The following OSBPL6 variants were observed in gnomAD, a reference collection of about 807,000 sequenced individuals.
The protein encoded by OSBPL6 is oxysterol binding protein like 6.
A neutral mutation model predicts 125.8 loss-of-function variants in OSBPL6; 49 were observed. That is an observed-to-expected ratio of 0.39 (90% CI 0.31 to 0.49). OSBPL6 has a LOEUF of 0.49. OSBPL6 is among the 20% of genes least tolerant of loss of function. The pLI is 0.88. For missense variants in OSBPL6, 986 were observed against 1,135.4 expected (o/e 0.87, Z 1.89); for synonymous variants, 394 against 391.8 (o/e 1.01, Z -0.07).
intron 1 of OSBPL6, among the ~76,000 whole-genome samples, chr2:178,242,310 T>C (rs1248858312): frequency 1.3e-5 from 2 of 152,226 alleles, no homozygotes; most frequent in Non-Finnish European, 1.5e-5. Context: ...GCCTTTTCTT[T>C]CTTCACTGGT....
At chr2:178,260,719 A>AT (rs1364534077) in intron 1 of OSBPL6, among the ~76,000 whole-genome samples, 2 of 152,180 alleles carry the variant, frequency 1.3e-5, no homozygotes, top group Non-Finnish European at 2.9e-5. Flanking sequence ...ATAACAAGAG[A>AT]TTTTTTAAAA....
intron 3 of OSBPL6, among the ~76,000 whole-genome samples, chr2:178,321,196 T>G (rs1424451516): frequency 1.3e-5 from 2 of 152,212 alleles, no homozygotes; most frequent in African/African-American, 4.8e-5. Context: ...GGTAATTGAT[T>G]GCTGAAGGAC....
intron 1 of OSBPL6, among the ~76,000 whole-genome samples, chr2:178,217,400 TG>T (rs1297342376): frequency 3.3e-5 from 5 of 152,100 alleles, no homozygotes; most frequent in Admixed American, 6.5e-5. Context: ...AAGAAGTCAG[TG>T]GGATGGTGAA....
chr2:178,249,205 G>T (rs532462140), intron 1 of OSBPL6, among the ~76,000 whole-genome samples: 2 of 152,296 alleles, frequency 1.3e-5, no homozygotes, highest in East Asian at 3.9e-4. Context: ...ATCCCAAAGT[G>T]CTGGGATTAC....
intron 1 of OSBPL6, among the ~76,000 whole-genome samples, chr2:178,257,817 C>A (rs1047521190): frequency 1.3e-5 from 2 of 148,246 alleles, no homozygotes; most frequent in Non-Finnish European, 3.0e-5. Context: ...TTTTTTGAGA[C>A]CAGATCTTGC....
At position 178,241,885 on chromosome 2, in the gene OSBPL6, C is replaced by G. The variant is rs575279837; in HGVS notation, c.-350-43042C>G. 2.6e-5 allele frequency among the ~76,000 whole-genome samples: 4 copies of G among 152,246 alleles called. No individual in the cohort carries two copies. In the South Asian group the frequency reaches 8.3e-4, roughly 32 times the overall value. The stretch of plus-strand genomic sequence containing the variant: ...TATCATATAGTATTTTTATGTTTTG[C>G]TATTTTTGTGTGTCTACATATACAA... On this transcript the variant is annotated intron_variant, in intron 1 of 24. Transcript: ENST00000190611.
intron 1 of OSBPL6, among the ~76,000 whole-genome samples, chr2:178,205,293 G>A (rs2089470295): frequency 6.6e-6 from 1 of 152,118 alleles, no homozygotes; most frequent in Non-Finnish European, 1.5e-5. Flanking sequence ...GAAGGCTGGT[G>A]GATGGGAAGA....
chr2:178,351,971 A>G (rs1691302086), intron 12 of OSBPL6, among the ~76,000 whole-genome samples: 1 of 152,212 alleles, frequency 6.6e-6, no homozygotes, highest in African/African-American at 2.4e-5. Flanking sequence ...AAACCTTCAC[A>G]TATTACCCCC....
At chr2:178,343,401 A>G (rs1447432633) in intron 11 of OSBPL6, among the ~76,000 whole-genome samples, 1 of 152,122 alleles carries the variant, frequency 6.6e-6, no homozygotes, top group Non-Finnish European at 1.5e-5. Flanking sequence ...AAGAAAAAAA[A>G]AAGTATTGCT....
rs1333747954 is a variant in OSBPL6 at position 178,395,562 on chromosome 2, T to G, written c.*3T>G. On this transcript the variant is annotated 3_prime_UTR_variant, in exon 25 of 25. Coordinates refer to ENST00000190611, the MANE Select transcript of OSBPL6 (RefSeq NM_032523.4). ...TAGACAGCCCTGTTCTTTGGTAGAC[T>G]GGGAATGTAGAGCTAGCCAACATAT... The G allele has an allele frequency of 6.3e-7, 1 of 1,594,070 alleles. No homozygotes were observed. Among genetic ancestry groups the G allele is most frequent in the Non-Finnish European group, 8.6e-7 (1 of 1,162,386 alleles).
chr2:178,262,267 CTA>C (rs1442740543), intron 1 of OSBPL6, among the ~76,000 whole-genome samples: 1 of 152,080 alleles, frequency 6.6e-6, no homozygotes, highest in Admixed American at 6.5e-5. Flanking sequence ...AGTCTCAAAA[CTA>C]TGTCAGTTTT....
At chr2:178,355,776 C>T (rs1340792893) in intron 12 of OSBPL6, among the ~76,000 whole-genome samples, 1 of 152,146 alleles carries the variant, frequency 6.6e-6, no homozygotes, top group East Asian at 1.9e-4. Flanking sequence ...CTGGCAGAGA[C>T]ACAACAAAAA....
intron 15 of OSBPL6, among the ~76,000 whole-genome samples, chr2:178,379,845 C>G (rs1694298993): frequency 6.6e-6 from 1 of 152,116 alleles, no homozygotes; most frequent in East Asian, 1.9e-4. Flanking sequence ...TCTTTATGGG[C>G]TTACTCTGTA....
chr2:178,337,413 T>A (rs1234239201), intron 9 of OSBPL6, among the ~76,000 whole-genome samples: 2 of 152,326 alleles, frequency 1.3e-5, no homozygotes, highest in Middle Eastern at 3.4e-3. Flanking sequence ...GCATTTTTTG[T>A]CATTTTTATC....
At chr2:178,231,109 A>G (rs993745116) in intron 1 of OSBPL6, among the ~76,000 whole-genome samples, 1 of 152,096 alleles carries the variant, frequency 6.6e-6, no homozygotes, top group Admixed American at 6.5e-5. Context: ...CTCTTGTGAG[A>G]GAAGGGTGTC....
chr2:178,380,456 CAAAAAAAAAAAAAAAAAA>C (rs60399092), intron 15 of OSBPL6, among the ~76,000 whole-genome samples: 1 of 25,988 alleles, frequency 3.8e-5, no homozygotes, highest in East Asian at 7.6e-4. Context: ...GAGTCTGTCT[CAAAAAAAAAAAAAAAAAA>C]AAAAAAAAAA....
intron 3 of OSBPL6, among the ~76,000 whole-genome samples, chr2:178,319,647 G>A (rs376682465): frequency 1.1e-4 from 17 of 152,310 alleles, no homozygotes; most frequent in South Asian, 1.0e-3. Flanking sequence ...TTCATGTAAA[G>A]CATAGAGATA....
chr2:178,218,138 CT>C (rs2090165927), intron 1 of OSBPL6, among the ~76,000 whole-genome samples: 1 of 152,016 alleles, frequency 6.6e-6, no homozygotes, highest in Admixed American at 6.6e-5. Flanking sequence ...TTTTAATTTC[CT>C]TTTTCTTTGA....
chr2:178,283,492 G>A (rs1234487045), intron 1 of OSBPL6, among the ~76,000 whole-genome samples: 1 of 152,192 alleles, frequency 6.6e-6, no homozygotes, highest in Non-Finnish European at 1.5e-5. Flanking sequence ...GCCTGCTAGA[G>A]AGGTTTATGG....
Sources: allele counts gnomAD v4.1 joint callset (sites outside exome capture counted in the v4.1 genomes callset), GRCh38; gene constraint gnomAD v4.1.1; transcripts MANE v1.5; gene names NCBI Gene and HGNC (gene_info 2026-07-23, HGNC 2026-07-21).